The following PDE8A variants were observed in gnomAD, a reference collection of about 807,000 sequenced individuals.
PDE8A encodes high affinity cAMP-specific and IBMX-insensitive 3',5'-cyclic phosphodiesterase 8A.
Under a neutral mutation model 105.0 loss-of-function variants are expected in PDE8A, and 59 were observed. The ratio of observed to expected loss-of-function variants is 0.56; its 90% confidence interval spans 0.46 to 0.70. The LOEUF is 0.70. Among genes scored for constraint, PDE8A ranks in the 30% least tolerant of loss-of-function variants. The pLI is 0.00. For missense variants in PDE8A, 1,014 were observed against 1,045.9 expected (o/e 0.97, Z 0.42); for synonymous variants, 355 against 371.9 (o/e 0.95, Z 0.52).
At chr15:84,990,621 A>C (rs769337624) in intron 1 of PDE8A, among the ~76,000 whole-genome samples, 1 of 152,188 alleles carries the variant, frequency 6.6e-6, no homozygotes, top group African/African-American at 2.4e-5. Flanking sequence ...TCACTTATCT[A>C]TTCTTTTGTT....
At chr15:85,029,196 C>T (rs1370488948) in intron 1 of PDE8A, among the ~76,000 whole-genome samples, 1 of 151,854 alleles carries the variant, frequency 6.6e-6, no homozygotes, top group Non-Finnish European at 1.5e-5. Flanking sequence ...TAATAATAGC[C>T]GATGTTTTGT....
At chr15:85,090,475 A>C (rs2081623134) in intron 7 of PDE8A, among the ~76,000 whole-genome samples, 1 of 152,136 alleles carries the variant, frequency 6.6e-6, no homozygotes, top group African/African-American at 2.4e-5. Context: ...CTGAAACTTA[A>C]CCATAAAGCC....
intron 1 of PDE8A, among the ~76,000 whole-genome samples, chr15:85,027,592 G>A (rs2080539623): frequency 6.6e-6 from 1 of 152,210 alleles, no homozygotes; most frequent in African/African-American, 2.4e-5. Flanking sequence ...AAAGATGACT[G>A]AGCAATGGCA....
chr15:85,083,321 T>TAA (rs3214641), intron 5 of PDE8A, among the ~76,000 whole-genome samples: 30 of 146,626 alleles, frequency 2.0e-4, no homozygotes, highest in African/African-American at 3.5e-4. Flanking sequence ...TTTTTTTTTT[T>TAA]AAAAAAATGA....
intron 1 of PDE8A, among the ~76,000 whole-genome samples, chr15:84,992,940 T>C (rs973297534): frequency 2.0e-5 from 3 of 152,116 alleles, no homozygotes; most frequent in Non-Finnish European, 1.5e-5. Flanking sequence ...AATTCAGAGA[T>C]TGAATGACTT....
intron 20 of PDE8A, among the ~76,000 whole-genome samples, chr15:85,127,876 T>G (rs912463570): frequency 6.6e-6 from 1 of 152,084 alleles, no homozygotes; most frequent in Non-Finnish European, 1.5e-5. Flanking sequence ...TTGGAAGATA[T>G]GCCCTGTTTG....
In PDE8A at chr15:84,982,279, G is replaced by A; in HGVS notation, c.117G>A (p.Thr39=). 7.0e-7 allele frequency: 1 copy of A among 1,428,658 alleles called. No homozygotes were observed. Among genetic ancestry groups the A allele is most frequent in the Non-Finnish European group, 9.1e-7 (1 of 1,099,564 alleles). 88.5% of individuals were successfully genotyped at this position (1,428,658 alleles called of 1,614,324 possible). A position where few individuals can be genotyped will look rare whatever the true frequency, so the allele number is the denominator to read the frequency against. Reference sequence around the variant, plus strand: ...CGCGCCTCCCGCAGGGCCAGAAGACGGCCGCCTTGCCCCGGACCCGCGGCG... The same window carrying A: ...CGCGCCTCCCGCAGGGCCAGAAGACAGCCGCCTTGCCCCGGACCCGCGGCG... ...GGPRLPQGQK[T]AALPRTRGAG... is the part of the protein sequence containing the mutation. The change falls in exon 1 of 22, where the codon ACG becomes ACA. Residue 39 remains threonine, a synonymous_variant. Coordinates refer to ENST00000394553, the MANE Select transcript of PDE8A (RefSeq NM_002605.3).
chr15:85,103,178 C>T (rs1035443479), intron 11 of PDE8A, among the ~76,000 whole-genome samples: 1 of 152,062 alleles, frequency 6.6e-6, no homozygotes, highest in Non-Finnish European at 1.5e-5. Context: ...GCTGAGATCG[C>T]GCCACTGCAC....
At position 85,076,864 on chromosome 15, in the gene PDE8A, A is replaced by G; in HGVS notation, c.546+77A>G. 4.1e-6 allele frequency: 4 copies of G among 967,286 alleles called. No individual in the cohort carries two copies. The South Asian group carries it at 5.2e-5, about 13-fold the overall frequency. The allele number at this position is 967,286 out of a possible 1,614,324, so 59.9% of individuals were successfully genotyped here. On this transcript the variant is annotated intron_variant, in intron 5 of 21. Transcript: ENST00000394553. ...TTTATCTCAGTTCAGTACCCAGCAA[A>G]AGCTTTGTATTAATTTGAAGAAAAA...
intron 1 of PDE8A, among the ~76,000 whole-genome samples, chr15:85,038,594 A>G (rs111835233): frequency 3.2e-4 from 49 of 152,324 alleles, no homozygotes; most frequent in African/African-American, 1.2e-3. Context: ...CAAATCACAC[A>G]TCAGATAAGG....
At chr15:85,070,692 G>A (rs2084706350) in intron 3 of PDE8A, among the ~76,000 whole-genome samples, 1 of 152,208 alleles carries the variant, frequency 6.6e-6, no homozygotes, top group Non-Finnish European at 1.5e-5. Flanking sequence ...TGGAGTAGGT[G>A]TCAGGGGAGG....
chr15:85,115,753 C>T, intron 15 of PDE8A: 1 of 544,300 alleles, frequency 1.8e-6, no homozygotes, highest in Non-Finnish European at 3.2e-6. Context: ...AATCCTGTCT[C>T]TACTGAAAAT....
At chr15:85,011,500 C>A (rs1313608201) in intron 1 of PDE8A, among the ~76,000 whole-genome samples, 3 of 152,146 alleles carry the variant, frequency 2.0e-5, no homozygotes, top group Non-Finnish European at 4.4e-5. Context: ...GTAAAATGGT[C>A]TGTCAATGTG....
intron 3 of PDE8A, 52 bp downstream of exon 3, chr15:85,067,256 A>G (rs751387160): frequency 1.9e-5 from 24 of 1,291,008 alleles, no homozygotes; most frequent in East Asian, 4.7e-5. Flanking sequence ...CTGACAATAC[A>G]TGCAGCCTAG....
At chr15:85,046,577 C>T (rs1454776556) in intron 1 of PDE8A, among the ~76,000 whole-genome samples, 1 of 152,048 alleles carries the variant, frequency 6.6e-6, no homozygotes, top group Non-Finnish European at 1.5e-5. Flanking sequence ...ATGAATAAAG[C>T]AGGTAAATCC....
At chr15:85,041,091 G>C (rs2080800341) in intron 1 of PDE8A, among the ~76,000 whole-genome samples, 1 of 152,130 alleles carries the variant, frequency 6.6e-6, no homozygotes, top group South Asian at 2.1e-4. Context: ...TGGGTTGTAG[G>C]GTAATGCAAG....
At chr15:85,066,767 C>T (rs546638629) in intron 2 of PDE8A, among the ~76,000 whole-genome samples, 54 of 152,072 alleles carry the variant, frequency 3.6e-4, no homozygotes, top group African/African-American at 1.1e-3. Context: ...GGCAAAACCC[C>T]GTCTCTACTA....
In PDE8A at chr15:85,137,916, C is replaced by G. The variant is rs527678490; in HGVS notation, c.*13C>G. ...ACCTCCTGAATAGTGGGAGACACCA[C>G]CCAGAGCCCTGAAGCTTTGTTCCTT... On this transcript the variant is annotated 3_prime_UTR_variant, in exon 22 of 22. Coordinates refer to ENST00000394553, the MANE Select transcript of PDE8A (RefSeq NM_002605.3). 1 of 1,489,798 alleles carries G rather than the reference C, an allele frequency of 6.7e-7. No individual in the cohort carries two copies. Among genetic ancestry groups the G allele is most frequent in the South Asian group, 1.1e-5 (1 of 88,410 alleles). The allele number at this position is 1,489,798 out of a possible 1,614,324, so 92.3% of individuals were successfully genotyped here.
At chr15:85,056,375 G>T (rs1257550382) in intron 1 of PDE8A, among the ~76,000 whole-genome samples, 1 of 152,160 alleles carries the variant, frequency 6.6e-6, no homozygotes, top group African/African-American at 2.4e-5. Flanking sequence ...GGTTGGAGAA[G>T]TTTTCCTGGA....
Sources: gnomAD v4.1 joint callset for allele counts (sites outside exome capture counted in the v4.1 genomes callset) on GRCh38, gnomAD v4.1.1 for gene constraint, MANE v1.5 for transcripts, NCBI Gene and HGNC (gene_info 2026-07-23, HGNC 2026-07-21) for gene names.